The following CPEB3 variants were observed in gnomAD, a reference collection of about 807,000 sequenced individuals.
CPEB3 encodes cytoplasmic polyadenylation element-binding protein 3.
Under a neutral mutation model 67.2 loss-of-function variants are expected in CPEB3, and 20 were observed. The observed-to-expected ratio is 0.30, with a 90% confidence interval of 0.21 to 0.43. The LOEUF (loss-of-function observed/expected upper bound fraction) is 0.43, where lower values mean the gene tolerates loss of function less well. Ranked by LOEUF, CPEB3 falls within the 20% of genes least tolerant of loss-of-function variation. The probability of loss-of-function intolerance (pLI) is 1.00; values close to 1 mark genes in which losing one functional copy is unlikely to be tolerated. For missense variants in CPEB3, 746 were observed against 968.6 expected, an observed-to-expected ratio of 0.77 and a Z score of 3.05; for synonymous variants, 376 against 393.1, an observed-to-expected ratio of 0.96 and a Z score of 0.51.
chr10:92,178,391 T>C (rs746009471), intron 4 of CPEB3, among the ~76,000 whole-genome samples: 1 of 152,098 alleles, frequency 6.6e-6, no homozygotes, highest in Non-Finnish European at 1.5e-5. Flanking sequence ...GCTCCTGACC[T>C]CAAGTGATCT....
chr10:92,070,319 T>C (rs893328521), intron 9 of CPEB3, among the ~76,000 whole-genome samples: 1 of 152,166 alleles, frequency 6.6e-6, no homozygotes, highest in African/African-American at 2.4e-5. Flanking sequence ...CCAAACTCAT[T>C]TGACTCAGCA....
intron 7 of CPEB3, among the ~76,000 whole-genome samples, chr10:92,092,549 G>A (rs993311722): frequency 2.6e-5 from 4 of 152,198 alleles, no homozygotes; most frequent in Admixed American, 2.6e-4. Flanking sequence ...GGAGGCTGAG[G>A]CAGGTGGATC....
At chr10:92,053,337 GA>G (rs1349623046) in intron 9 of CPEB3, among the ~76,000 whole-genome samples, 2 of 150,958 alleles carry the variant, frequency 1.3e-5, no homozygotes, top group African/African-American at 4.9e-5. Flanking sequence ...CTTTAGAAAA[GA>G]AACATCATTA....
At chr10:92,251,825 C>T (rs1852313113) in intron 1 of CPEB3, among the ~76,000 whole-genome samples, 1 of 151,790 alleles carries the variant, frequency 6.6e-6, no homozygotes, top group African/African-American at 2.4e-5. Context: ...CCTGTAATCC[C>T]AGCTACTCGG....
intron 8 of CPEB3, among the ~76,000 whole-genome samples, chr10:92,083,555 T>C (rs1843243121): frequency 6.6e-6 from 1 of 152,248 alleles, no homozygotes; most frequent in South Asian, 2.1e-4. Context: ...AAGGCAAAAT[T>C]AATTGTTAAT....
chr10:92,125,397 T>C (rs1410778026), intron 6 of CPEB3, among the ~76,000 whole-genome samples: 1 of 152,208 alleles, frequency 6.6e-6, no homozygotes, highest in Non-Finnish European at 1.5e-5. Context: ...CTGCCATCAT[T>C]GCCTTTGCCC....
chr10:92,146,080 T>C (rs1410873915), intron 4 of CPEB3, among the ~76,000 whole-genome samples: 2 of 152,196 alleles, frequency 1.3e-5, no homozygotes, highest in Non-Finnish European at 2.9e-5. Context: ...CCTACTAATC[T>C]AGGCTACATT....
intron 2 of CPEB3, among the ~76,000 whole-genome samples, chr10:92,218,853 C>A (rs914084808): frequency 1.3e-5 from 2 of 151,980 alleles, no homozygotes; most frequent in African/African-American, 4.8e-5. Flanking sequence ...TCAAATCTGC[C>A]ACCCAGGCTG....
chr10:92,252,619 CTTTTTT>C (rs539743470), intron 1 of CPEB3, among the ~76,000 whole-genome samples: 1 of 147,830 alleles, frequency 6.8e-6, no homozygotes, highest in Non-Finnish European at 1.5e-5. Context: ...TAGATGCCAA[CTTTTTT>C]TTTTTAATTT....
intron 9 of CPEB3, among the ~76,000 whole-genome samples, chr10:92,071,621 G>A (rs1354988390): frequency 2.0e-5 from 3 of 151,804 alleles, no homozygotes. Context: ...TGTAATCCCA[G>A]CTACTCGGGA....
chr10:92,261,052 A>C (rs1352160032), intron 1 of CPEB3, among the ~76,000 whole-genome samples: 1 of 152,172 alleles, frequency 6.6e-6, no homozygotes, highest in Non-Finnish European at 1.5e-5. Context: ...AGTAGCTAGT[A>C]GGTTCTGTAC....
At chr10:92,053,958 T>TTACAG (rs1056801225) in intron 9 of CPEB3, among the ~76,000 whole-genome samples, 1 of 152,216 alleles carries the variant, frequency 6.6e-6, no homozygotes, top group Non-Finnish European at 1.5e-5. Flanking sequence ...AGTACTGGGA[T>TTACAG]TACAGGCGTA....
At chr10:92,081,935 A>G (rs1843168020) in intron 8 of CPEB3, among the ~76,000 whole-genome samples, 3 of 152,230 alleles carry the variant, frequency 2.0e-5, no homozygotes, top group African/African-American at 7.2e-5. Flanking sequence ...CTACTATATT[A>G]GGACTAAGCT....
At chr10:92,111,222 G>C in intron 6 of CPEB3, 28 bp from the exon 7 acceptor site, 2 of 1,399,278 alleles carry the variant, frequency 1.4e-6, no homozygotes, top group Middle Eastern at 1.9e-4. Flanking sequence ...CAAAAGGGTA[G>C]AGGAAGAATC....
chr10:92,074,909 T>C (rs1842881237), intron 9 of CPEB3, among the ~76,000 whole-genome samples: 1 of 152,166 alleles, frequency 6.6e-6, no homozygotes, highest in African/African-American at 2.4e-5. Context: ...TGACTCTAGA[T>C]GTCTAGTATC....
At chr10:92,213,983 T>G (rs1850219871) in intron 2 of CPEB3, among the ~76,000 whole-genome samples, 1 of 152,088 alleles carries the variant, frequency 6.6e-6, no homozygotes, top group Admixed American at 6.6e-5. Flanking sequence ...CAGAAAACCA[T>G]ACATATGACT....
At chr10:92,241,741 T>C (rs558741630) in intron 1 of CPEB3, among the ~76,000 whole-genome samples, 49 of 152,324 alleles carry the variant, frequency 3.2e-4, no homozygotes, top group Non-Finnish European at 5.9e-4. Context: ...TGTAGTTAGC[T>C]TGTCCTTAGA....
At chr10:92,108,533 A>G (rs943260547) in intron 7 of CPEB3, among the ~76,000 whole-genome samples, 2 of 152,150 alleles carry the variant, frequency 1.3e-5, no homozygotes, top group African/African-American at 4.8e-5. Flanking sequence ...CCAAAATAGG[A>G]TCCAGTTCAT....
chr10:92,179,515 CAATT>C (rs1848372357), intron 4 of CPEB3, among the ~76,000 whole-genome samples: 1 of 152,136 alleles, frequency 6.6e-6, no homozygotes, highest in Non-Finnish European at 1.5e-5. Context: ...AGTCTTTTCA[CAATT>C]AATTATTGCT....
Sources: gnomAD v4.1 joint callset for allele counts (sites outside exome capture counted in the v4.1 genomes callset) on GRCh38, gnomAD v4.1.1 for gene constraint, MANE v1.5 for transcripts, NCBI Gene and HGNC (gene_info 2026-07-23, HGNC 2026-07-21) for gene names.